Variants in THSD7B observed in about 807,000 individuals in gnomAD.
The protein encoded by THSD7B is thrombospondin type-1 domain-containing protein 7B.
Under a neutral mutation model 213.6 loss-of-function variants are expected in THSD7B, and 138 were observed. The ratio of observed to expected loss-of-function variants is 0.65; its 90% CI spans 0.56 to 0.74. The LOEUF is 0.74. THSD7B is among the 30% of genes least tolerant of loss of function. THSD7B has a pLI of 0.00. For missense variants in THSD7B, 1,931 were observed against 1,991.5 expected (o/e 0.97, Z 0.58); for synonymous variants, 742 against 687.0 (o/e 1.08, Z -1.25).
intron 2 of THSD7B, among the ~76,000 whole-genome samples, chr2:137,049,740 A>G (rs1687034873): frequency 6.6e-6 from 1 of 152,184 alleles, no homozygotes; most frequent in African/African-American, 2.4e-5. Flanking sequence ...GGACCCTGGG[A>G]GCAGCTATCT....
At chr2:136,779,750 G>A (rs1681704354) in intron 1 of THSD7B, among the ~76,000 whole-genome samples, 2 of 152,210 alleles carry the variant, frequency 1.3e-5, no homozygotes, top group South Asian at 2.1e-4. Context: ...GTGATACATG[G>A]GATTTTGCTC....
chr2:137,302,927 A>G (rs1283502578), intron 12 of THSD7B, among the ~76,000 whole-genome samples: 1 of 152,160 alleles, frequency 6.6e-6, no homozygotes, highest in Non-Finnish European at 1.5e-5. Flanking sequence ...TTCCCAAGTC[A>G]ACTCAAAAGT....
At chr2:137,645,084 T>C (rs1683005646) in intron 21 of THSD7B, among the ~76,000 whole-genome samples, 1 of 152,174 alleles carries the variant, frequency 6.6e-6, no homozygotes, top group South Asian at 2.1e-4. Flanking sequence ...GTTCTGCATT[T>C]CTGGCCAAGT....
intron 12 of THSD7B, among the ~76,000 whole-genome samples, chr2:137,368,712 G>A (rs1212551291): frequency 6.6e-6 from 1 of 151,996 alleles, no homozygotes; most frequent in Non-Finnish European, 1.5e-5. Flanking sequence ...AACTTGAAAA[G>A]GAAACTAATT....
chr2:137,458,051 C>CA (rs113270186), intron 15 of THSD7B, among the ~76,000 whole-genome samples: 33,171 of 150,896 alleles, frequency 0.22, 3,789 homozygotes, highest in South Asian at 0.28. Flanking sequence ...AGGAAAAAAA[C>CA]AAAAAAAAAG....
intron 1 of THSD7B, among the ~76,000 whole-genome samples, chr2:136,773,288 G>T (rs1258757635): frequency 2.0e-5 from 3 of 152,030 alleles, no homozygotes; most frequent in Admixed American, 2.0e-4. Context: ...GAGGTTGATT[G>T]TATTATTATT....
At chr2:136,975,411 C>T (rs534428194) in intron 2 of THSD7B, among the ~76,000 whole-genome samples, 1 of 152,266 alleles carries the variant, frequency 6.6e-6, no homozygotes, top group Non-Finnish European at 1.5e-5. Flanking sequence ...TAGGGCTAGC[C>T]AGTTCTCCCA....
At chr2:137,317,311 T>C (rs1684135005) in intron 12 of THSD7B, among the ~76,000 whole-genome samples, 1 of 152,218 alleles carries the variant, frequency 6.6e-6, no homozygotes, top group Non-Finnish European at 1.5e-5. Flanking sequence ...CAAATAGTGT[T>C]TGTTGATATT....
chr2:137,145,414 A>T (rs908216098), intron 5 of THSD7B, among the ~76,000 whole-genome samples: 1 of 151,952 alleles, frequency 6.6e-6, no homozygotes, highest in South Asian at 2.1e-4. Context: ...TGGAGGCAGG[A>T]TGTTTCTGGA....
chr2:137,379,069 G>C (rs1685720558), intron 12 of THSD7B, among the ~76,000 whole-genome samples: 1 of 152,126 alleles, frequency 6.6e-6, no homozygotes, highest in African/African-American at 2.4e-5. Flanking sequence ...GGGCTACAGG[G>C]CTCAACAAAC....
intron 2 of THSD7B, among the ~76,000 whole-genome samples, chr2:136,964,633 C>G (rs1003910065): frequency 6.6e-6 from 1 of 152,110 alleles, no homozygotes. Context: ...TATTCTATAA[C>G]ATCTTCCATC....
chr2:137,598,600 C>T (rs1158129122), intron 17 of THSD7B, among the ~76,000 whole-genome samples: 3 of 152,192 alleles, frequency 2.0e-5, no homozygotes, highest in Non-Finnish European at 2.9e-5. Context: ...TTAAGGGTTA[C>T]ACGTTTCCCT....
chr2:137,236,815 A>T (rs185674789), intron 9 of THSD7B, among the ~76,000 whole-genome samples: 2 of 152,304 alleles, frequency 1.3e-5, no homozygotes, highest in East Asian at 3.9e-4. Flanking sequence ...CAGTGCTTAT[A>T]AGAAGCTGAA....
At chr2:136,891,692 C>A (rs1211010408) in intron 2 of THSD7B, among the ~76,000 whole-genome samples, 1 of 152,182 alleles carries the variant, frequency 6.6e-6, no homozygotes, top group South Asian at 2.1e-4. Flanking sequence ...GGGTCACAGG[C>A]ATTTCCATGT....
intron 1 of THSD7B, among the ~76,000 whole-genome samples, chr2:136,879,266 A>T (rs954931169): frequency 6.6e-6 from 1 of 152,002 alleles, no homozygotes; most frequent in African/African-American, 2.4e-5. Flanking sequence ...GTTCTGTTCC[A>T]TTGGTCTATT....
intron 2 of THSD7B, among the ~76,000 whole-genome samples, chr2:137,002,947 G>A (rs1686029629): frequency 1.3e-5 from 2 of 152,096 alleles, no homozygotes; most frequent in Non-Finnish European, 2.9e-5. Flanking sequence ...TACCAGGAGG[G>A]TCAATGATTG....
At chr2:136,888,675 A>G (rs1683763160) in intron 2 of THSD7B, among the ~76,000 whole-genome samples, 2 of 152,044 alleles carry the variant, frequency 1.3e-5, no homozygotes, top group South Asian at 4.1e-4. Flanking sequence ...AAAAATTCTA[A>G]TTTTTTTATA....
At chr2:137,449,445 C>T (rs1381029462) in intron 14 of THSD7B, among the ~76,000 whole-genome samples, 1 of 152,242 alleles carries the variant, frequency 6.6e-6, no homozygotes, top group Non-Finnish European at 1.5e-5. Flanking sequence ...GAAATTCAGA[C>T]AGCTTCTCTG....
intron 7 of THSD7B, among the ~76,000 whole-genome samples, chr2:137,206,465 A>C (rs1471424575): frequency 6.6e-6 from 1 of 152,102 alleles, no homozygotes; most frequent in Non-Finnish European, 1.5e-5. Context: ...ACTGCGTATT[A>C]GTTACCTGTC....
Sources: allele counts gnomAD v4.1 joint callset (sites outside exome capture counted in the v4.1 genomes callset), GRCh38; gene constraint gnomAD v4.1.1; transcripts MANE v1.5; gene names NCBI Gene and HGNC (gene_info 2026-07-23, HGNC 2026-07-21).